Variants in SNX30 observed in about 807,000 individuals in gnomAD.
SNX30 encodes sorting nexin family member 30.
In SNX30, 24 loss-of-function variants were observed where a neutral mutation model predicts 46.4. The observed-to-expected ratio is 0.52, with a 90% CI of 0.37 to 0.73. The LOEUF (loss-of-function observed/expected upper bound fraction) is 0.73, where lower values mean the gene tolerates loss of function less well. SNX30 is among the 30% of genes least tolerant of loss of function. The pLI is 0.00. For synonymous variants in SNX30, 189 were observed against 211.5 expected, an observed-to-expected ratio of 0.89 and a Z score of 0.92; for missense variants, 533 against 555.7, an observed-to-expected ratio of 0.96 and a Z score of 0.41.
rs189625077 is a variant in SNX30, at chr9:112,806,861, G to A, written c.348+1894G>A. Among the ~76,000 whole-genome samples the A allele has an allele frequency of 2.0e-5, 3 of 152,146 alleles. No individual in the cohort carries two copies. The East Asian group carries it at 5.8e-4, about 29-fold the overall frequency. On this transcript the variant is annotated intron_variant, in intron 2 of 8. Coordinates refer to ENST00000374232, the MANE Select transcript of SNX30 (RefSeq NM_001012994.2). ...GAATGTATATGATTTAGATTTCAGT[G>A]TAATGTTGCTTTCCAATGTTCCCTT...
At chr9:112,839,836 A>G (rs574987442) in intron 6 of SNX30, among the ~76,000 whole-genome samples, 1 of 152,376 alleles carries the variant, frequency 6.6e-6, no homozygotes, top group Non-Finnish European at 1.5e-5. Flanking sequence ...CTGTCAGTCA[A>G]CATTGGGTTG....
At chr9:112,821,524 T>C (rs1840495313) in intron 3 of SNX30, among the ~76,000 whole-genome samples, 1 of 152,074 alleles carries the variant, frequency 6.6e-6, no homozygotes, top group African/African-American at 2.4e-5. Flanking sequence ...TCTCGCCCTG[T>C]CACCCAGGCT....
rs373213453 is a variant in SNX30 at position 112,864,255 on chromosome 9, G to A, written c.1110G>A (p.Ala370=). The A allele has an allele frequency of 9.6e-5, 155 of 1,613,830 alleles. 1 individual carries two copies. The highest frequency in any genetic ancestry group is 3.4e-4 in the Middle Eastern group (2 of 5,962). Residue 370 remains alanine (A), a synonymous_variant, in exon 8 of 9, where the codon GCG becomes GCA. Coordinates refer to ENST00000374232, the MANE Select transcript of SNX30 (RefSeq NM_001012994.2). ...LRKEDRPKVP[A]DVEKCQDRME... ...GTGCCTCCCTTTTCCAGGTACCGGC[G>A]GACGTCGAGAAATGTCAGGATCGGA...
intron 2 of SNX30, among the ~76,000 whole-genome samples, chr9:112,812,416 C>T (rs545824022): frequency 5.3e-5 from 8 of 152,176 alleles, no homozygotes; most frequent in African/African-American, 1.2e-4. Context: ...CCACCGCACC[C>T]GGCTAATTTT....
intron 1 of SNX30, among the ~76,000 whole-genome samples, chr9:112,778,398 G>A (rs1431935163): frequency 2.0e-5 from 3 of 150,826 alleles, no homozygotes; most frequent in East Asian, 2.0e-4. Flanking sequence ...TCAGCCTCTC[G>A]AGTAGCTGGG....
chr9:112,847,427 T>G (rs1283874948), intron 6 of SNX30, among the ~76,000 whole-genome samples: 1 of 146,550 alleles, frequency 6.8e-6, no homozygotes, highest in Non-Finnish European at 1.5e-5. Context: ...TTAGTACATA[T>G]CTCTAAAATA....
At chr9:112,883,843 G>A (rs117733746), downstream of SNX30, among the ~76,000 whole-genome samples, 79 of 152,074 alleles carry the variant, frequency 5.2e-4, 1 homozygote, top group East Asian at 0.015. Flanking sequence ...GACTGCAGGC[G>A]CATGTTGCCA....
At chr9:112,865,217 TCACACACAACCCC>T (rs1841304805) in intron 8 of SNX30, among the ~76,000 whole-genome samples, 1 of 101,556 alleles carries the variant, frequency 9.8e-6, no homozygotes, top group Non-Finnish European at 2.0e-5. Flanking sequence ...CACACAACCC[TCACACACAACCCC>T]CACACACACC....
chr9:112,867,491 CTCCTCAGAACTCCTCCTCCT>C (rs1240291027), intron 8 of SNX30, among the ~76,000 whole-genome samples: 2 of 151,440 alleles, frequency 1.3e-5, no homozygotes, highest in African/African-American at 2.4e-5. Flanking sequence ...TTCCTCCTCC[CTCCTCAGAACTCCTCCTCCT>C]TCCTCAGAAC....
intron 6 of SNX30, among the ~76,000 whole-genome samples, chr9:112,843,656 T>C (rs1160170495): frequency 8.4e-6 from 1 of 119,694 alleles, no homozygotes; most frequent in Non-Finnish European, 1.7e-5. Flanking sequence ...AGACAGAGTC[T>C]CACTCTGTTG....
At chr9:112,750,545 C>G (rs1331987068), upstream of SNX30, 2 of 152,316 alleles carry the variant, frequency 1.3e-5, no homozygotes, top group Non-Finnish European at 2.9e-5. Context: ...CGGCGGCCTC[C>G]GCGAGGCAAC....
At chr9:112,750,654 C>G (rs1839250062), upstream of SNX30, among the ~76,000 whole-genome samples, 1 of 151,680 alleles carries the variant, frequency 6.6e-6, no homozygotes, top group Non-Finnish European at 1.5e-5. Context: ...GTCCTTCCTT[C>G]CCCACGTGCC....
intron 1 of SNX30, among the ~76,000 whole-genome samples, chr9:112,795,791 A>ACACACACACACACACG (rs386737721): frequency 1.3e-5 from 2 of 152,016 alleles, no homozygotes; most frequent in Non-Finnish European, 2.9e-5. Context: ...ACACACACAC[A>ACACACACACACACACG]CACACGCACA....
rs77161886 is a variant in SNX30 at position 112,784,280 on chromosome 9, C to T, written c.157-20496C>T. ...CCCCAACTGCTCCCTCTCACGTCTC[C>T]TGTATTTCCCTCTTTATTTTTTCTG... On this transcript the variant is annotated intron_variant, in intron 1 of 8. Transcript: ENST00000374232. Among the ~76,000 whole-genome samples the T allele has an allele frequency of 1.7e-3, 258 of 152,208 alleles. 2 individuals are homozygous for T. The highest frequency in any genetic ancestry group is 5.9e-3 in the African/African-American group (247 of 41,524).
chr9:112,864,716 G>A (rs1336971693), intron 8 of SNX30, among the ~76,000 whole-genome samples: 2 of 152,202 alleles, frequency 1.3e-5, no homozygotes, highest in East Asian at 1.9e-4. Context: ...TGCTGCCACC[G>A]AATGGAGGCT....
intron 1 of SNX30, among the ~76,000 whole-genome samples, chr9:112,770,622 C>T (rs1262425098): frequency 6.6e-6 from 1 of 152,178 alleles, no homozygotes; most frequent in Non-Finnish European, 1.5e-5. Context: ...CACTCCCTTG[C>T]CTCACGCCTT....
intron 1 of SNX30, among the ~76,000 whole-genome samples, chr9:112,798,128 T>A (rs1374553565): frequency 1.7e-5 from 1 of 57,396 alleles, no homozygotes; most frequent in East Asian, 5.8e-4. Context: ...TTTCTTTTTT[T>A]TTTTTTTTTT....
At chr9:112,865,661 A>ATATGTGTGTG in intron 8 of SNX30, among the ~76,000 whole-genome samples, 4 of 105,704 alleles carry the variant, frequency 3.8e-5, no homozygotes, top group African/African-American at 1.5e-4. Flanking sequence ...ATATATATAT[A>ATATGTGTGTG]TGTATGTATG....
At chr9:112,866,825 TTCCTCCCACCTCCTCAGAAC>T (rs1162681385) in intron 8 of SNX30, among the ~76,000 whole-genome samples, 11 of 27,778 alleles carry the variant, frequency 4.0e-4, no homozygotes, top group East Asian at 1.2e-3. Flanking sequence ...CCCATTAGAA[TTCCTCCCACCTCCTCAGAAC>T]TCCTCCCACC....
Sources: allele counts gnomAD v4.1 joint callset (sites outside exome capture counted in the v4.1 genomes callset), GRCh38; gene constraint gnomAD v4.1.1; transcripts MANE v1.5; gene names NCBI Gene and HGNC (gene_info 2026-07-23, HGNC 2026-07-21).